DTNB: variants seen among roughly 807,000 people sequenced by gnomAD.
The protein encoded by DTNB is DTN-B.
A neutral mutation model predicts 90.7 loss-of-function variants in DTNB; 63 were observed. The ratio of observed to expected loss-of-function variants is 0.69; its 90% confidence interval spans 0.57 to 0.86. The LOEUF (loss-of-function observed/expected upper bound fraction) is 0.86, where lower values mean the gene tolerates loss of function less well. DTNB is among the 40% of genes least tolerant of loss of function. DTNB has a pLI of 0.00. For synonymous variants in DTNB, 277 were observed against 286.7 expected, an observed-to-expected ratio of 0.97 and a Z score of 0.34; for missense variants, 744 against 807.1, an observed-to-expected ratio of 0.92 and a Z score of 0.95.
intron 12 of DTNB, among the ~76,000 whole-genome samples, chr2:25,447,499 CTTT>C (rs34508984): frequency 1.7e-5 from 2 of 116,020 alleles, no homozygotes; most frequent in African/African-American, 3.2e-5. Flanking sequence ...AGCTAGTTAT[CTTT>C]TTTTTTTTTT....
chr2:25,500,129 T>C (rs2070167469), intron 9 of DTNB, among the ~76,000 whole-genome samples: 2 of 152,070 alleles, frequency 1.3e-5, no homozygotes, highest in African/African-American at 2.4e-5. Context: ...CTTGAACTTC[T>C]GGCCTCAGCA....
chr2:25,523,712 C>A (rs1227408347), intron 9 of DTNB, among the ~76,000 whole-genome samples: 1 of 150,196 alleles, frequency 6.7e-6, no homozygotes, highest in East Asian at 1.9e-4. Flanking sequence ...CTGAACATTT[C>A]TTAATACTTA....
In DTNB at chr2:25,427,610, C is replaced by T; in HGVS notation, c.1479G>A (p.Glu493=). The T allele has an allele frequency of 6.2e-7, 1 of 1,613,514 alleles. No homozygotes were observed. The highest frequency in any genetic ancestry group is 8.5e-7 in the Non-Finnish European group (1 of 1,179,818). Reference sequence around the variant, plus strand: ...TCTCCTGCAGGGCCGACATCCTCTGCTCCAGTTCATCCTTCCTTTGCCTAT... The same window carrying T: ...TCTCCTGCAGGGCCGACATCCTCTGTTCCAGTTCATCCTTCCTTTGCCTAT... ...RLLRQRKDEL[E]QRMSALQESR... The change falls in exon 15 of 21, where the codon GAG becomes GAA. Residue 493 remains glutamate, a synonymous_variant. Coordinates refer to ENST00000406818, the MANE Select transcript of DTNB (RefSeq NM_021907.5).
chr2:25,485,991 G>A lies in DTNB; in HGVS notation c.1002-3118C>T, dbSNP rs930892845. Reference sequence around the variant, plus strand: ...ATAAAAATTAGCTGGGTGTGGTGGCGGGTGCCTGTAATCCCAGCTACTTGG... The same window carrying A: ...ATAAAAATTAGCTGGGTGTGGTGGCAGGTGCCTGTAATCCCAGCTACTTGG... On this transcript the variant is annotated intron_variant, in intron 9 of 20. Coordinates refer to ENST00000406818, the MANE Select transcript of DTNB (RefSeq NM_021907.5). Among the ~76,000 whole-genome samples, 7 of 151,796 alleles carry A rather than the reference G, an allele frequency of 4.6e-5. No homozygotes were observed. The East Asian group carries it at 5.8e-4, about 13-fold the overall frequency.
At chr2:25,423,208 CA>C (rs143439183) in intron 15 of DTNB, among the ~76,000 whole-genome samples, 31,598 of 151,758 alleles carry the variant, frequency 0.21, 3,803 homozygotes, top group Non-Finnish European at 0.27. Flanking sequence ...GACAAAAAAA[CA>C]AAAAAACAAA....
At chr2:25,533,815 G>A (rs1204823335) in intron 8 of DTNB, among the ~76,000 whole-genome samples, 1 of 152,048 alleles carries the variant, frequency 6.6e-6, no homozygotes, top group Admixed American at 6.6e-5. Flanking sequence ...TTTCCTCTGT[G>A]AAGACTTTCC....
At chr2:25,422,204 T>A (rs187737874) in intron 15 of DTNB, among the ~76,000 whole-genome samples, 1 of 152,154 alleles carries the variant, frequency 6.6e-6, no homozygotes. Flanking sequence ...TAGAACTGCT[T>A]ATGTCACCTA....
intron 9 of DTNB, among the ~76,000 whole-genome samples, chr2:25,483,693 T>C (rs1299649938): frequency 6.6e-6 from 1 of 152,160 alleles, no homozygotes; most frequent in East Asian, 1.9e-4. Context: ...TATCTTGCCT[T>C]CCAGCCATTC....
intron 10 of DTNB, among the ~76,000 whole-genome samples, chr2:25,462,982 C>T (rs552924674): frequency 2.0e-4 from 30 of 152,278 alleles, no homozygotes; most frequent in African/African-American, 7.0e-4. Flanking sequence ...GGATTACAGG[C>T]GTGAGCCACC....
At chr2:25,426,732 A>C (rs1393808370) in intron 15 of DTNB, 1 of 152,202 alleles carries the variant, frequency 6.6e-6, no homozygotes, top group Non-Finnish European at 1.5e-5. Flanking sequence ...CAATTTCCAT[A>C]ATAAATCCCC....
At chr2:25,400,217 A>G (rs1029116544) in intron 16 of DTNB, among the ~76,000 whole-genome samples, 5 of 152,246 alleles carry the variant, frequency 3.3e-5, no homozygotes, top group Non-Finnish European at 5.9e-5. Context: ...GTGCACAGCA[A>G]CATTCCTGAC....
intron 9 of DTNB, among the ~76,000 whole-genome samples, chr2:25,526,379 ATATATATATATATATAT>A (rs2077115588): frequency 3.9e-5 from 2 of 51,492 alleles, no homozygotes; most frequent in African/African-American, 1.2e-4. Context: ...ATATATATAT[ATATATATATATATATAT>A]TTTTTTTTTT....
At chr2:25,396,428 T>C (rs879497774) in intron 16 of DTNB, among the ~76,000 whole-genome samples, 34 of 151,936 alleles carry the variant, frequency 2.2e-4, no homozygotes, top group Admixed American at 1.3e-3. Flanking sequence ...GGAGAATCCC[T>C]TGAACCCAGG....
intron 9 of DTNB, among the ~76,000 whole-genome samples, chr2:25,524,051 A>G (rs1426453986): frequency 2.0e-5 from 3 of 151,692 alleles, no homozygotes; most frequent in Non-Finnish European, 4.4e-5. Context: ...ACAGGCATGC[A>G]CCACCACACC....
intron 8 of DTNB, among the ~76,000 whole-genome samples, chr2:25,563,980 C>CA (rs1201479161): frequency 6.6e-6 from 1 of 152,166 alleles, no homozygotes; most frequent in Non-Finnish European, 1.5e-5. Context: ...CAGCTTACTG[C>CA]AAGCTCCGCC....
chr2:25,641,890 G>A (rs1199298649), intron 2 of DTNB, among the ~76,000 whole-genome samples: 2 of 152,052 alleles, frequency 1.3e-5, no homozygotes, highest in Non-Finnish European at 2.9e-5. Context: ...GCACGGTCTC[G>A]GCTTACTGCA....
chr2:25,378,291 T>C (rs2036440410), intron 20 of DTNB, among the ~76,000 whole-genome samples: 1 of 152,186 alleles, frequency 6.6e-6, no homozygotes, highest in South Asian at 2.1e-4. Context: ...TCCAAGCCCC[T>C]GGGGCGCTGT....
At chr2:25,521,054 A>G (rs1378720650) in intron 9 of DTNB, among the ~76,000 whole-genome samples, 1 of 152,224 alleles carries the variant, frequency 6.6e-6, no homozygotes, top group East Asian at 1.9e-4. Context: ...AGTAAGAGGC[A>G]GTCTGGTTTC....
chr2:25,540,023 A>G (rs2080840759), intron 8 of DTNB, among the ~76,000 whole-genome samples: 1 of 152,180 alleles, frequency 6.6e-6, no homozygotes, highest in African/African-American at 2.4e-5. Flanking sequence ...TTTTGCTCCT[A>G]TAACAACACC....
Sources: allele counts gnomAD v4.1 joint callset (sites outside exome capture counted in the v4.1 genomes callset), GRCh38; gene constraint gnomAD v4.1.1; transcripts MANE v1.5; gene names NCBI Gene and HGNC (gene_info 2026-07-23, HGNC 2026-07-21).